Variants in KCNQ2 observed in about 807,000 individuals in gnomAD.
KCNQ2 encodes the protein potassium voltage-gated channel subfamily KQT member 2.
KCNQ2 carries 14 observed loss-of-function variants against 84.8 expected under a neutral mutation model. The ratio of observed to expected loss-of-function variants is 0.17; its 90% CI spans 0.11 to 0.26. KCNQ2 has a LOEUF of 0.26. Among genes scored for constraint, KCNQ2 ranks in the 10% least tolerant of loss-of-function variants. The pLI, the probability that KCNQ2 is intolerant of heterozygous loss-of-function variation, is 1.00. For synonymous variants in KCNQ2, 599 were observed against 554.1 expected, an observed-to-expected ratio of 1.08 and a Z score of -1.14; for missense variants, 788 against 1,254.0, an observed-to-expected ratio of 0.63 and a Z score of 5.61.
chr20:63,433,409 G>A, intron 8 of KCNQ2: 1 of 371,476 alleles, frequency 2.7e-6, no homozygotes, highest in Non-Finnish European at 4.9e-6. Context: ...TGGGGGACGG[G>A]GTCATGGTAC....
At chr20:63,428,006 G>A (rs1426268800) in intron 10 of KCNQ2, among the ~76,000 whole-genome samples, 1 of 152,244 alleles carries the variant, frequency 6.6e-6, no homozygotes, top group African/African-American at 2.4e-5. Flanking sequence ...GAGGCAGCAG[G>A]CGCCATCAGC....
At chr20:63,430,367 G>A (rs892979013) in intron 9 of KCNQ2, among the ~76,000 whole-genome samples, 6 of 152,154 alleles carry the variant, frequency 3.9e-5, no homozygotes, top group Admixed American at 1.3e-4. Flanking sequence ...GGGCAGAGGA[G>A]CCCTGGACCC....
chr20:63,443,328 T>TCAC (rs1568937216), intron 4 of KCNQ2, among the ~76,000 whole-genome samples: 2 of 7,310 alleles, frequency 2.7e-4, no homozygotes, highest in East Asian at 6.8e-3. Flanking sequence ...ACCACCACCA[T>TCAC]CACCATCACC....
rs2080187230 is a variant in KCNQ2, at chr20:63,413,488, G to A, written c.1725C>T (p.His575=). ...MDVIEQYSAG[H]LDMLSRIKSL... The stretch of plus-strand genomic sequence containing the variant: ...TCTTAATTCGGGACAGCATGTCCAG[G>A]TGGCCGGCTGAGTACTGCTCGATGA... The change falls in exon 15 of 17, where the codon CAC becomes CAT. Residue 575 remains histidine, a synonymous_variant. Coordinates refer to ENST00000359125, the MANE Select transcript of KCNQ2 (RefSeq NM_172107.4). The A allele has an allele frequency of 4.3e-6, 7 of 1,613,434 alleles. No homozygotes were observed. Among genetic ancestry groups the A allele is most frequent in the Non-Finnish European group, 5.9e-6 (7 of 1,180,028 alleles).
Position 63,446,853 on chromosome 20 carries a change from G to A in KCNQ2, c.297-16C>T, listed in dbSNP as rs759916110. On this transcript the variant is annotated splice_polypyrimidine_tract_variant and intron_variant, in intron 1 of 16. Transcript: ENST00000359125. The surrounding 1 kb of genome is among the most constrained non-coding windows in gnomAD (Gnocchi z 5.5). ...CAGGAGGAACCTGGGGGCAGGGAAC[G>A]CGCGCTCTCAGACAGGCCGCAGCAG... The A allele has an allele frequency of 8.7e-6, 14 of 1,609,434 alleles. No homozygotes were observed. Among genetic ancestry groups the A allele is most frequent in the Admixed American group, 3.3e-5 (2 of 59,986 alleles).
At position 63,403,461 on chromosome 20, in the gene KCNQ2, C is replaced by A. The variant is rs1043565638; in HGVS notation, c.*3183G>T. On this transcript the variant is annotated 3_prime_UTR_variant, in exon 17 of 17. Transcript: ENST00000359125. The stretch of plus-strand genomic sequence containing the variant: ...ACTTGTGTGTGCTGTGTGGTCTGTG[C>A]ACCTGTGTGCATGTGCTGTGTGGCC... 6.6e-6 allele frequency: 1 copy of A among 151,982 alleles called. No homozygotes were observed. The highest frequency in any genetic ancestry group is 2.4e-5 in the African/African-American group (1 of 41,256). The allele number at this position is 151,982 out of a possible 1,614,324, so 9.4% of individuals were successfully genotyped here.
intron 11 of KCNQ2, among the ~76,000 whole-genome samples, chr20:63,420,621 G>A (rs12626055): frequency 0.092 from 14,025 of 152,110 alleles, 1,515 homozygotes; most frequent in East Asian, 0.56. Context: ...TTTAGACACC[G>A]ATGTCCCTGC....
chr20:63,442,713 CCACCACCACCAT>C (rs2081215280), intron 4 of KCNQ2, among the ~76,000 whole-genome samples, 182 bp from the exon 5 acceptor site: 1 of 97,244 alleles, frequency 1.0e-5, no homozygotes, highest in Admixed American at 9.7e-5. Flanking sequence ...ACCATCACCA[CCACCACCACCAT>C]CATCACCACC....
intron 8 of KCNQ2, among the ~76,000 whole-genome samples, chr20:63,432,630 T>A (rs1409931878): frequency 1.9e-3 from 139 of 72,066 alleles, no homozygotes; most frequent in African/African-American, 2.6e-3. Context: ...CTCCACCCTC[T>A]GGGAAGGCCC....
At chr20:63,444,061 G>A (rs903308683) in intron 4 of KCNQ2, among the ~76,000 whole-genome samples, 2 of 152,240 alleles carry the variant, frequency 1.3e-5, no homozygotes, top group Non-Finnish European at 2.9e-5. Context: ...CCATTCTGCA[G>A]ACAAAGCCAC....
intron 1 of KCNQ2, among the ~76,000 whole-genome samples, chr20:63,465,182 C>T (rs1236774618): frequency 2.0e-5 from 3 of 152,220 alleles, no homozygotes; most frequent in Non-Finnish European, 2.9e-5. Context: ...GCTCTTCAGC[C>T]CCATGTTCTC....
intron 15 of KCNQ2, 99 bp downstream of exon 15, chr20:63,413,351 C>T: frequency 6.8e-7 from 1 of 1,474,462 alleles, no homozygotes; most frequent in Non-Finnish European, 9.4e-7. Context: ...AGGCCCCGCC[C>T]ACACACCCCC....
intron 7 of KCNQ2, among the ~76,000 whole-genome samples, chr20:63,435,985 CT>C (rs56346120): frequency 2.2e-3 from 309 of 139,766 alleles, no homozygotes; most frequent in South Asian, 2.0e-3. Flanking sequence ...TGTGTGGTTT[CT>C]TTTTTTTTTT....
chr20:63,411,959 C>A (rs1218372922), intron 15 of KCNQ2: 1 of 683,850 alleles, frequency 1.5e-6, no homozygotes, highest in Non-Finnish European at 2.7e-6. Flanking sequence ...TGGCCAGGAA[C>A]TGGCGGAAAC....
At chr20:63,428,325 A>G (rs1250176291) in intron 10 of KCNQ2, 42 bp downstream of exon 10, 2 of 1,476,308 alleles carry the variant, frequency 1.4e-6, no homozygotes, top group Non-Finnish European at 1.9e-6. Flanking sequence ...CCCCAGGAGG[A>G]CTGAGACGCC....
At position 63,442,477 on chromosome 20, in the gene KCNQ2, G is replaced by A. The variant is rs759151870; in HGVS notation, c.745C>T (p.Leu249=). ...GFLCLILASF[L]VYLAEKGEND... Reference sequence around the variant, plus strand: ...TCCCCCTTCTCTGCCAAGTACACCAGGAACGAGGCCAGGATGAGACAAAGG... The same window carrying A: ...TCCCCCTTCTCTGCCAAGTACACCAAGAACGAGGCCAGGATGAGACAAAGG... Residue 249 remains leucine, a synonymous_variant, in exon 5 of 17, where the codon CTG becomes TTG. Transcript: ENST00000359125. The A allele has an allele frequency of 6.2e-6, 10 of 1,613,796 alleles. No homozygotes were observed. Among genetic ancestry groups the A allele is most frequent in the Admixed American group, 5.0e-5 (3 of 59,998 alleles).
At position 63,428,227 on chromosome 20, in the gene KCNQ2, C is replaced by T. The variant is rs571182449; in HGVS notation, c.1217+140G>A. On this transcript the variant is annotated intron_variant, in intron 10 of 16. Coordinates refer to ENST00000359125, the MANE Select transcript of KCNQ2 (RefSeq NM_172107.4). ...CAGACGCGAAAAGAGAAAGCACCAC[C>T]ATCACCAAGTCCAGCGTCCCCGCGC... 1.2e-5 allele frequency: 8 copies of T among 684,298 alleles called. No individual in the cohort carries two copies. In the East Asian group the frequency reaches 2.2e-4, roughly 19 times the overall value. The allele number at this position is 684,298 out of a possible 1,614,324, so 42.4% of individuals were successfully genotyped here.
At position 63,406,295 on chromosome 20, in the gene KCNQ2, C is replaced by A. The variant is rs1031093801; in HGVS notation, c.*349G>T. 3.5e-6 allele frequency: 1 copy of A among 286,412 alleles called. No homozygotes were observed. The highest frequency in any genetic ancestry group is 6.6e-6 in the Non-Finnish European group (1 of 150,608). 17.7% of individuals were successfully genotyped at this position (286,412 alleles called of 1,614,324 possible). On this transcript the variant is annotated 3_prime_UTR_variant, in exon 17 of 17. Coordinates refer to ENST00000359125, the MANE Select transcript of KCNQ2 (RefSeq NM_172107.4). ...CCTGGGCTCGGCTGAGACAACCCCC[C>A]GCCTGTTGCCACGCTGGCAACACCC...
intron 1 of KCNQ2, among the ~76,000 whole-genome samples, chr20:63,471,946 C>A (rs912614460): frequency 1.3e-5 from 2 of 152,282 alleles, no homozygotes; most frequent in African/African-American, 2.4e-5. Flanking sequence ...GGAGCCCCCA[C>A]CCCGACCTGA....
Sources: allele counts gnomAD v4.1 joint callset (sites outside exome capture counted in the v4.1 genomes callset), GRCh38; gene constraint gnomAD v4.1.1; non-coding constraint Gnocchi (gnomAD v3.1); transcripts MANE v1.5; gene names NCBI Gene and HGNC (gene_info 2026-07-23, HGNC 2026-07-21).